SEC14L5: variants seen among roughly 807,000 people sequenced by gnomAD.
The protein encoded by SEC14L5 is SEC14 like lipid binding 5, also known as SEC14-like protein 5.
SEC14L5 carries 96 observed loss-of-function variants against 84.6 expected under a neutral mutation model. That is an observed-to-expected ratio of 1.13 (90% CI 0.96 to 1.34). The LOEUF (loss-of-function observed/expected upper bound fraction) is 1.34, where lower values mean the gene tolerates loss of function less well. Ranked by LOEUF, SEC14L5 falls within the 40% of genes most tolerant of loss-of-function variation. The probability of loss-of-function intolerance (pLI) is 0.00; values close to 1 mark genes in which losing one functional copy is unlikely to be tolerated. For synonymous variants in SEC14L5, 546 were observed against 383.4 expected (o/e 1.42, Z -4.95); for missense variants, 1,224 against 942.5 (o/e 1.30, Z -3.91).
At chr16:4,970,362 A>G (rs918964438) in intron 2 of SEC14L5, among the ~76,000 whole-genome samples, 5 of 152,142 alleles carry the variant, frequency 3.3e-5, no homozygotes, top group Non-Finnish European at 7.4e-5. Context: ...GCAAAGGCCA[A>G]TGGGGCAGAA....
chr16:4,987,498 G>GT, intron 2 of SEC14L5, 59 bp from the exon 3 acceptor site: 1 of 667,676 alleles, frequency 1.5e-6, no homozygotes, highest in Middle Eastern at 3.2e-4. Context: ...AGGTCGCGCT[G>GT]GGGGGGGGGG....
chr16:4,967,404 A>G (rs188860262), intron 2 of SEC14L5, among the ~76,000 whole-genome samples: 177 of 152,120 alleles, frequency 1.2e-3, no homozygotes, highest in Admixed American at 4.9e-3. Context: ...CTGTTCTCCA[A>G]ATGAGGTCAC....
chr16:4,988,718 T>A (rs1375352772), intron 4 of SEC14L5, among the ~76,000 whole-genome samples: 2 of 152,224 alleles, frequency 1.3e-5, no homozygotes, highest in African/African-American at 4.8e-5. Flanking sequence ...GACCAGTGCC[T>A]GGCACATATT....
At chr16:4,992,761 C>G (rs1342137112) in intron 6 of SEC14L5, among the ~76,000 whole-genome samples, 1 of 152,126 alleles carries the variant, frequency 6.6e-6, no homozygotes, top group South Asian at 2.1e-4. Flanking sequence ...GATTCTTTTC[C>G]TCTCCCTAAA....
intron 2 of SEC14L5, among the ~76,000 whole-genome samples, chr16:4,969,592 C>T (rs1955249965): frequency 1.3e-5 from 2 of 151,912 alleles, no homozygotes; most frequent in Admixed American, 6.5e-5. Context: ...CCACATTGGT[C>T]AGGCTGGTCT....
At chr16:4,996,201 T>A (rs2908676) in intron 6 of SEC14L5, 147 bp from the exon 7 acceptor site, 92,117 of 578,378 alleles carry the variant, frequency 0.16, 8,145 homozygotes, top group Middle Eastern at 0.23. Flanking sequence ...CAGAGTCCGG[T>A]GGCTGCTGTC....
chr16:5,000,915 C>G lies in SEC14L5; in HGVS notation c.1120C>G (p.Arg374Gly). Reference protein sequence around the residue: ...RCEGSTRQLGRPISSWTCLLD... With the variant: ...RCEGSTRQLGGPISSWTCLLD... ...TGAGGGGAGCACAAGGCAGCTGGGC[C>G]GTCCCATCAGGCAAACACCTGGGCT... is the stretch of plus-strand genomic sequence containing the variant. The change falls in exon 10 of 16, where the codon CGT becomes GGT. Residue 374 changes from arginine (R) to glycine (G), a missense_variant. Physicochemically the swap from Arg to Gly is moderately radical, Grantham distance 125. Coordinates refer to ENST00000251170, the MANE Select transcript of SEC14L5 (RefSeq NM_014692.2). 6.2e-7 allele frequency: 1 copy of G among 1,606,606 alleles called. No individual in the cohort carries two copies. The highest frequency in any genetic ancestry group is 2.2e-5 in the East Asian group (1 of 44,622).
At chr16:5,011,043 G>C in intron 14 of SEC14L5, 52 bp from the exon 15 acceptor site, 5 of 1,527,812 alleles carry the variant, frequency 3.3e-6, no homozygotes, top group Non-Finnish European at 4.4e-6. Context: ...CAGCCTCCTT[G>C]ACCTGTCCTC....
Position 4,962,636 on chromosome 16 carries a change from C to T in SEC14L5, c.63+3250C>T, listed in dbSNP as rs575318585. Among the ~76,000 whole-genome samples the T allele has an allele frequency of 3.6e-5, 5 of 140,540 alleles. No individual in the cohort carries two copies. In the East Asian group the frequency reaches 6.3e-4, roughly 18 times the overall value. The allele number at this position is 140,540 out of a possible 152,430, so 92.2% of individuals were successfully genotyped here. A position where few individuals can be genotyped will look rare whatever the true frequency, so the allele number is the denominator to read the frequency against. ...CCGGGAGGCGGAGGTTGCAGGGAGC[C>T]GAGATCGTGCCATTGCACTCCAGCC... On this transcript the variant is annotated intron_variant, in intron 2 of 15. Transcript: ENST00000251170.
chr16:4,985,665 T>G (rs1955478099), intron 2 of SEC14L5, among the ~76,000 whole-genome samples: 1 of 152,132 alleles, frequency 6.6e-6, no homozygotes, highest in Non-Finnish European at 1.5e-5. Flanking sequence ...TATTTCTGGA[T>G]GCTAAATTCT....
intron 2 of SEC14L5, among the ~76,000 whole-genome samples, chr16:4,961,113 T>C (rs8055015): frequency 0.31 from 47,234 of 151,748 alleles, 8,718 homozygotes; most frequent in East Asian, 0.53. Context: ...CAACTAAAAA[T>C]ACAAGAAAAA....
intron 2 of SEC14L5, among the ~76,000 whole-genome samples, chr16:4,974,199 A>G (rs1955313198): frequency 6.6e-6 from 1 of 152,080 alleles, no homozygotes; most frequent in Non-Finnish European, 1.5e-5. Flanking sequence ...GTACTGAATG[A>G]AACACACTGG....
intron 15 of SEC14L5, among the ~76,000 whole-genome samples, chr16:5,011,682 T>C (rs1247612712): frequency 2.0e-5 from 3 of 152,188 alleles, no homozygotes; most frequent in African/African-American, 7.2e-5. Flanking sequence ...GACAGGGAAC[T>C]GTAATGGTTA....
rs1568149763 is a variant in SEC14L5 at position 5,007,477 on chromosome 16, C to T, written c.1563C>T (p.Ala521=). 4 of 1,613,244 alleles carry T rather than the reference C, an allele frequency of 2.5e-6. No homozygotes were observed. Among genetic ancestry groups the T allele is most frequent in the Non-Finnish European group, 3.4e-6 (4 of 1,179,764 alleles). Residue 521 remains alanine, a synonymous_variant, in exon 13 of 16, where the codon GCC becomes GCT. Coordinates refer to ENST00000251170, the MANE Select transcript of SEC14L5 (RefSeq NM_014692.2). ...TYHSASVLRG[A]PHEVAVEILE... is the part of the protein sequence containing the mutation. Reference sequence around the variant, plus strand: ...ATTCAGCCAGCGTGCTCCGCGGAGCCCCCCACGAGGTGCCAGGGCCTGGCC... The same window carrying T: ...ATTCAGCCAGCGTGCTCCGCGGAGCTCCCCACGAGGTGCCAGGGCCTGGCC...
intron 10 of SEC14L5, among the ~76,000 whole-genome samples, chr16:5,001,852 G>A (rs558706681): frequency 2.0e-5 from 3 of 151,790 alleles, no homozygotes; most frequent in South Asian, 2.1e-4. Flanking sequence ...AGCTCACTGC[G>A]GCCTTGACCT....
chr16:4,961,024 C>T (rs764501725), intron 2 of SEC14L5, among the ~76,000 whole-genome samples: 9 of 152,202 alleles, frequency 5.9e-5, no homozygotes, highest in Middle Eastern at 3.4e-3. Flanking sequence ...GTAATCCCAG[C>T]GCTTTGGGAG....
At chr16:4,971,852 C>T (rs1171639773) in intron 2 of SEC14L5, among the ~76,000 whole-genome samples, 2 of 152,148 alleles carry the variant, frequency 1.3e-5, no homozygotes, top group Non-Finnish European at 2.9e-5. Context: ...ATTGGCTGAA[C>T]GTCTACAATG....
At position 5,000,823 on chromosome 16, in the gene SEC14L5, G is replaced by T. The variant is rs754154976; in HGVS notation, c.1060-32G>T. On this transcript the variant is annotated intron_variant, in intron 9 of 15. Coordinates refer to ENST00000251170, the MANE Select transcript of SEC14L5 (RefSeq NM_014692.2). ...ACTGTGTGGGGTAAAGCAGCGAGGCGGACGTTGAGCAGCACTGTCTCTCCC... is the reference window on the plus strand; with the variant it reads ...ACTGTGTGGGGTAAAGCAGCGAGGCTGACGTTGAGCAGCACTGTCTCTCCC... 6 of 1,583,746 alleles carry T rather than the reference G, an allele frequency of 3.8e-6. No homozygotes were observed. In the East Asian group the frequency reaches 1.4e-4, roughly 37 times the overall value.
intron 2 of SEC14L5, among the ~76,000 whole-genome samples, chr16:4,979,636 A>G (rs944730070): frequency 1.3e-5 from 2 of 152,154 alleles, no homozygotes; most frequent in African/African-American, 4.8e-5. Context: ...CATTCACCCC[A>G]GGAGAAGGCA....
Sources: allele counts gnomAD v4.1 joint callset (sites outside exome capture counted in the v4.1 genomes callset), GRCh38; gene constraint gnomAD v4.1.1; transcripts MANE v1.5; gene names NCBI Gene and HGNC (gene_info 2026-07-23, HGNC 2026-07-21).